The following TMEM132B variants were observed in gnomAD, a reference collection of about 807,000 sequenced individuals.
TMEM132B encodes transmembrane protein 132B.
TMEM132B carries 18 observed loss-of-function variants against 90.8 expected under a neutral mutation model. That is an observed-to-expected ratio of 0.20 (90% CI 0.14 to 0.29). TMEM132B has a LOEUF of 0.29. Ranked by LOEUF, TMEM132B falls within the 10% of genes least tolerant of loss-of-function variation. TMEM132B has a pLI of 1.00. For missense variants in TMEM132B, 1,096 were observed against 1,326.8 expected (o/e 0.83, Z 2.70); for synonymous variants, 504 against 523.3 (o/e 0.96, Z 0.50).
chr12:125,642,136 G>A (rs1886648033), intron 5 of TMEM132B, among the ~76,000 whole-genome samples: 1 of 152,156 alleles, frequency 6.6e-6, no homozygotes, highest in Non-Finnish European at 1.5e-5. Context: ...TGCTTCCTTG[G>A]GAAGGCAGAT....
At chr12:125,218,510 C>T (rs939438838) in intron 1 of TMEM132B, among the ~76,000 whole-genome samples, 5 of 152,056 alleles carry the variant, frequency 3.3e-5, no homozygotes, top group Non-Finnish European at 5.9e-5. Context: ...TCTCAAACGC[C>T]CACGACATGG....
At chr12:125,350,404 C>T (rs1877530263) in intron 2 of TMEM132B, 61 bp downstream of exon 2, 1 of 1,513,172 alleles carries the variant, frequency 6.6e-7, no homozygotes, top group Non-Finnish European at 8.8e-7. Flanking sequence ...AATGAATTGT[C>T]AATGAATAAA....
At chr12:125,220,500 T>G (rs969431455) in intron 1 of TMEM132B, among the ~76,000 whole-genome samples, 2 of 152,260 alleles carry the variant, frequency 1.3e-5, no homozygotes, top group Non-Finnish European at 2.9e-5. Context: ...CTGTATTGAT[T>G]TGATCTGGGC....
At chr12:125,641,239 C>T (rs945384883) in intron 5 of TMEM132B, among the ~76,000 whole-genome samples, 4 of 152,298 alleles carry the variant, frequency 2.6e-5, no homozygotes, top group Middle Eastern at 3.4e-3. Flanking sequence ...AAATTTTCCC[C>T]TCTCTGTGCA....
intron 3 of TMEM132B, among the ~76,000 whole-genome samples, chr12:125,472,733 G>T (rs968550362): frequency 3.3e-5 from 5 of 152,230 alleles, no homozygotes; most frequent in Admixed American, 2.0e-4. Context: ...GCCATGTAAG[G>T]AGGCACTGAG....
intron 4 of TMEM132B, among the ~76,000 whole-genome samples, chr12:125,527,177 T>C (rs1251303716): frequency 9.1e-6 from 1 of 110,316 alleles, no homozygotes; most frequent in African/African-American, 3.7e-5. Context: ...CATCCACCCT[T>C]CCATCCATCC....
At chr12:125,592,307 C>G (rs1409667436) in intron 5 of TMEM132B, among the ~76,000 whole-genome samples, 1 of 152,180 alleles carries the variant, frequency 6.6e-6, no homozygotes, top group Non-Finnish European at 1.5e-5. Flanking sequence ...TGAACTCTTT[C>G]ACACTTGCAG....
At chr12:125,286,256 C>A (rs1017194141) in intron 1 of TMEM132B, among the ~76,000 whole-genome samples, 1 of 152,358 alleles carries the variant, frequency 6.6e-6, no homozygotes, top group South Asian at 2.1e-4. Context: ...ATTCTGCCTC[C>A]GGAACTCATG....
At position 125,458,413 on chromosome 12, in the gene TMEM132B, G is replaced by A. The variant is rs1395595335; in HGVS notation, c.1106+42736G>A. 6.6e-6 allele frequency among the ~76,000 whole-genome samples: 1 copy of A among 152,178 alleles called. No homozygotes were observed. Among genetic ancestry groups the A allele is most frequent in the Non-Finnish European group, 1.5e-5 (1 of 68,024 alleles). On this transcript the variant is annotated intron_variant, in intron 3 of 8. Transcript: ENST00000682704. This position sits in a 1 kb window ranked among gnomAD's most constrained non-coding sequence, Gnocchi z 4.9. Reference sequence around the variant, plus strand: ...ACAGCAGTTTTCAGACACTAAGCAGGCAGCACAGGTCTGTGATTCTAGAGA... The same window carrying A: ...ACAGCAGTTTTCAGACACTAAGCAGACAGCACAGGTCTGTGATTCTAGAGA...
At chr12:125,517,783 A>G (rs942202123) in intron 3 of TMEM132B, among the ~76,000 whole-genome samples, 1 of 152,252 alleles carries the variant, frequency 6.6e-6, no homozygotes, top group South Asian at 2.1e-4. Context: ...CTCATTTTTC[A>G]GACAAGGAAG....
rs76753336 is a variant in TMEM132B, at chr12:125,302,726, T to G, written c.68-46726T>G. Among the ~76,000 whole-genome samples, 908 of 152,336 alleles carry G rather than the reference T, an allele frequency of 6.0e-3. 9 individuals carry two copies. Among genetic ancestry groups the G allele is most frequent in the African/African-American group, 0.021 (854 of 41,564 alleles). On this transcript the variant is annotated intron_variant, in intron 1 of 8. Coordinates refer to ENST00000682704, the MANE Select transcript of TMEM132B (RefSeq NM_001366854.1). ...ATTTTTAAGTGTAATTCAGTAGCAT[T>G]AATTGCATTCACCATGAAATGCAAC... is the stretch of plus-strand genomic sequence containing the variant.
At chr12:125,471,705 G>A (rs943144605) in intron 3 of TMEM132B, among the ~76,000 whole-genome samples, 3 of 152,178 alleles carry the variant, frequency 2.0e-5, no homozygotes, top group Non-Finnish European at 2.9e-5. Flanking sequence ...TTAATGAACT[G>A]CCTGGAGATG....
chr12:125,629,050 A>G (rs1056173974), intron 5 of TMEM132B, among the ~76,000 whole-genome samples: 1 of 152,092 alleles, frequency 6.6e-6, no homozygotes. Flanking sequence ...TGGCTGCTAT[A>G]GCTCTGTAGT....
chr12:125,290,453 T>C (rs1002503884), intron 1 of TMEM132B, among the ~76,000 whole-genome samples: 2 of 152,234 alleles, frequency 1.3e-5, no homozygotes, highest in African/African-American at 4.8e-5. Context: ...CCCTAGAGAT[T>C]ACCACTGCCT....
chr12:125,540,577 G>A (rs781014023), intron 4 of TMEM132B, among the ~76,000 whole-genome samples: 1 of 152,144 alleles, frequency 6.6e-6, no homozygotes, highest in Non-Finnish European at 1.5e-5. Flanking sequence ...TTTGTCCATG[G>A]TAATATTATG....
At chr12:125,509,996 TAGAA>T (rs1882939799) in intron 3 of TMEM132B, among the ~76,000 whole-genome samples, 1 of 152,206 alleles carries the variant, frequency 6.6e-6, no homozygotes, top group Non-Finnish European at 1.5e-5. Flanking sequence ...AGGTTGGTAA[TAGAA>T]AGAAACAGAG....
chr12:125,282,502 A>G (rs1488211175), intron 1 of TMEM132B, among the ~76,000 whole-genome samples: 2 of 152,086 alleles, frequency 1.3e-5, no homozygotes, highest in East Asian at 3.8e-4. Context: ...CTGCACACAC[A>G]TCTCATGGCA....
intron 6 of TMEM132B, among the ~76,000 whole-genome samples, chr12:125,645,087 G>A (rs1886727905): frequency 6.6e-6 from 1 of 151,932 alleles, no homozygotes; most frequent in Admixed American, 6.6e-5. Flanking sequence ...GCGTGGTGGT[G>A]GGCGCCTATA....
At chr12:125,291,020 C>T (rs1275937326) in intron 1 of TMEM132B, among the ~76,000 whole-genome samples, 1 of 152,144 alleles carries the variant, frequency 6.6e-6, no homozygotes, top group Non-Finnish European at 1.5e-5. Flanking sequence ...CCTTCCCCGT[C>T]CCCCAGCCAA....
Sources: gnomAD v4.1 joint callset for allele counts (sites outside exome capture counted in the v4.1 genomes callset) on GRCh38, gnomAD v4.1.1 for gene constraint, Gnocchi (gnomAD v3.1) non-coding constraint, MANE v1.5 for transcripts, NCBI Gene and HGNC (gene_info 2026-07-23, HGNC 2026-07-21) for gene names.